LRBA: variants seen among roughly 807,000 people sequenced by gnomAD.
The protein encoded by LRBA is lipopolysaccharide-responsive and beige-like anchor protein.
A neutral mutation model predicts 330.0 loss-of-function variants in LRBA; 176 were observed. The observed-to-expected ratio is 0.53, with a 90% CI of 0.47 to 0.60. The LOEUF (loss-of-function observed/expected upper bound fraction) is 0.60, where lower values mean the gene tolerates loss of function less well. Ranked by LOEUF, LRBA falls within the 20% of genes least tolerant of loss-of-function variation. The probability of loss-of-function intolerance (pLI) is 0.00; values close to 1 mark genes in which losing one functional copy is unlikely to be tolerated. For synonymous variants in LRBA, 1,230 were observed against 1,193.0 expected (o/e 1.03, Z -0.64); for missense variants, 3,259 against 3,444.8 (o/e 0.95, Z 1.35).
At chr4:150,980,855 A>G (rs1740750390) in intron 2 of LRBA, among the ~76,000 whole-genome samples, 1 of 152,170 alleles carries the variant, frequency 6.6e-6, no homozygotes, top group Non-Finnish European at 1.5e-5. Context: ...CAATCTGAAC[A>G]TGAAATGAAA....
intron 51 of LRBA, 68 bp downstream of exon 51, chr4:150,315,493 T>G (rs988708852): frequency 7.7e-7 from 1 of 1,299,970 alleles, no homozygotes; most frequent in Admixed American, 1.7e-5. Context: ...GAAAAACAAC[T>G]GTAATCTACA....
chr4:150,652,050 C>A (rs1418575034), intron 37 of LRBA, among the ~76,000 whole-genome samples: 1 of 152,074 alleles, frequency 6.6e-6, no homozygotes, highest in East Asian at 1.9e-4. Flanking sequence ...TGCCATGTTG[C>A]CCAAGCTGGT....
At chr4:150,481,849 A>C (rs1317548098) in intron 42 of LRBA, among the ~76,000 whole-genome samples, 1 of 152,122 alleles carries the variant, frequency 6.6e-6, no homozygotes, top group Non-Finnish European at 1.5e-5. Context: ...GACATCAGAA[A>C]TGTTTACAAT....
At chr4:150,821,693 A>G (rs1464001801) in intron 30 of LRBA, among the ~76,000 whole-genome samples, 2 of 152,202 alleles carry the variant, frequency 1.3e-5, no homozygotes, top group Non-Finnish European at 2.9e-5. Context: ...AGAGCATTTC[A>G]GCCTACCACT....
rs1730878822 is a variant in LRBA at position 150,310,213 on chromosome 4, A to G, written c.7849+16T>C. The stretch of plus-strand genomic sequence containing the variant: ...ATAGTAAACTTTAGTTCACTGATAA[A>G]GAAAATGAAAATTACCTGTGTCTGT... On this transcript the variant is annotated intron_variant, in intron 52 of 56. Coordinates refer to ENST00000651943, the MANE Select transcript of LRBA (RefSeq NM_001364905.1). 1.9e-6 allele frequency: 3 copies of G among 1,590,168 alleles called. No individual in the cohort carries two copies. The highest frequency in any genetic ancestry group is 1.3e-5 in the African/African-American group (1 of 74,500).
intron 4 of LRBA, among the ~76,000 whole-genome samples, chr4:150,925,487 C>T (rs1197887669): frequency 6.6e-6 from 1 of 152,206 alleles, no homozygotes. Context: ...TAGCACTAGA[C>T]TCCTCTTGAG....
chr4:150,747,181 C>T (rs1181673108), intron 35 of LRBA, among the ~76,000 whole-genome samples: 2 of 152,124 alleles, frequency 1.3e-5, no homozygotes, highest in Non-Finnish European at 2.9e-5. Flanking sequence ...GCTACTGTCC[C>T]AGGAATGACC....
intron 37 of LRBA, among the ~76,000 whole-genome samples, chr4:150,599,593 G>A (rs1365056347): frequency 3.3e-5 from 5 of 152,042 alleles, no homozygotes; most frequent in Non-Finnish European, 5.9e-5. Context: ...CCTAATTTGT[G>A]CCTTTTTGCA....
chr4:150,328,758 G>A (rs1183700901), intron 48 of LRBA, among the ~76,000 whole-genome samples: 6 of 152,076 alleles, frequency 3.9e-5, no homozygotes, highest in Admixed American at 2.6e-4. Context: ...GTGGGTGGGA[G>A]GAAAAGCAGC....
chr4:150,312,428 A>T (rs1731192330), intron 51 of LRBA, among the ~76,000 whole-genome samples: 1 of 151,972 alleles, frequency 6.6e-6, no homozygotes, highest in Non-Finnish European at 1.5e-5. Flanking sequence ...CTCTCCTGTG[A>T]GTTTTCCTTT....
chr4:150,499,197 T>C (rs1387273723), intron 40 of LRBA, among the ~76,000 whole-genome samples: 2 of 152,238 alleles, frequency 1.3e-5, no homozygotes, highest in Non-Finnish European at 2.9e-5. Context: ...AAAATATTTA[T>C]ATTTAGTTCT....
rs774435447 is a variant in LRBA at position 150,583,358 on chromosome 4, T to C, written c.6330+4690A>G. On this transcript the variant is annotated intron_variant, in intron 40 of 56. Coordinates refer to ENST00000651943, the MANE Select transcript of LRBA (RefSeq NM_001364905.1). The surrounding 1 kb of genome is among the most constrained non-coding windows in gnomAD (Gnocchi z 9.8). ...CTGAGCGATGGGCGGAAGCGGAGCA[T>C]GTCTCTCTGGGTCGAGTTCATCACG... 1 of 1,614,154 alleles carries C rather than the reference T, an allele frequency of 6.2e-7. No homozygotes were observed. The highest frequency in any genetic ancestry group is 1.7e-5 in the Admixed American group (1 of 60,028).
chr4:150,484,810 T>G (rs963204010), intron 42 of LRBA, among the ~76,000 whole-genome samples: 1 of 151,922 alleles, frequency 6.6e-6, no homozygotes, highest in Non-Finnish European at 1.5e-5. Context: ...ATTAGGCACT[T>G]CTTTATCTTC....
At chr4:150,266,399 C>T (rs1476340363) in intron 56 of LRBA, among the ~76,000 whole-genome samples, 5 of 152,184 alleles carry the variant, frequency 3.3e-5, no homozygotes, top group Admixed American at 3.3e-4. Context: ...AGTAACTCAC[C>T]GAAATCACTG....
chr4:150,476,308 G>A (rs1322045773), intron 42 of LRBA, among the ~76,000 whole-genome samples: 1 of 152,096 alleles, frequency 6.6e-6, no homozygotes, highest in Non-Finnish European at 1.5e-5. Context: ...TTGGATATAA[G>A]CATCCAAATT....
chr4:150,442,490 T>A (rs1376280254), intron 44 of LRBA, among the ~76,000 whole-genome samples: 1 of 152,180 alleles, frequency 6.6e-6, no homozygotes, highest in African/African-American at 2.4e-5. Flanking sequence ...GATGACTGGC[T>A]GAAAGCCATC....
At chr4:150,923,929 G>A (rs1212779706) in intron 4 of LRBA, among the ~76,000 whole-genome samples, 1 of 152,090 alleles carries the variant, frequency 6.6e-6, no homozygotes, top group African/African-American at 2.4e-5. Context: ...ATTCTTAAGT[G>A]AACAAGAAAT....
chr4:150,955,924 T>A (rs1737504408), intron 2 of LRBA, among the ~76,000 whole-genome samples: 1 of 148,554 alleles, frequency 6.7e-6, no homozygotes, highest in African/African-American at 2.6e-5. Flanking sequence ...CCTTCCATCT[T>A]AAACCCTACA....
At chr4:150,269,969 T>G (rs1323806546) in intron 56 of LRBA, among the ~76,000 whole-genome samples, 1 of 152,096 alleles carries the variant, frequency 6.6e-6, no homozygotes, top group Non-Finnish European at 1.5e-5. Context: ...AGTAAAATCT[T>G]TTGAGCATCT....
Sources: allele counts gnomAD v4.1 joint callset (sites outside exome capture counted in the v4.1 genomes callset), GRCh38; gene constraint gnomAD v4.1.1; non-coding constraint Gnocchi (gnomAD v3.1); transcripts MANE v1.5; gene names NCBI Gene and HGNC (gene_info 2026-07-23, HGNC 2026-07-21).